EFHC2: variants seen among roughly 807,000 people sequenced by gnomAD.
The protein encoded by EFHC2 is EF-hand domain containing 2.
In EFHC2, 18 loss-of-function variants were observed where a neutral mutation model predicts 52.7. The observed-to-expected ratio is 0.34, with a 90% CI of 0.24 to 0.51. The LOEUF (loss-of-function observed/expected upper bound fraction) is 0.51. EFHC2 is among the 20% of genes least tolerant of loss of function. The pLI is 0.97. For missense variants in EFHC2, 513 were observed against 562.5 expected, an observed-to-expected ratio of 0.91 and a Z score of 0.89; for synonymous variants, 203 against 204.1, an observed-to-expected ratio of 0.99 and a Z score of 0.04.
intron 3 of EFHC2, among the ~76,000 whole-genome samples, 179 bp downstream of exon 3, chrX:44,272,507 T>C (rs1201060123): frequency 9.0e-6 from 1 of 111,393 alleles, no homozygotes; most frequent in South Asian, 3.8e-4. Context: ...ATGCAGAGGG[T>C]AGAAAGCTGG....
intron 11 of EFHC2, among the ~76,000 whole-genome samples, chrX:44,223,114 A>T (rs1464132513): frequency 1.8e-5 from 2 of 112,135 alleles, no homozygotes; most frequent in Non-Finnish European, 3.8e-5. Context: ...TCAGAGCTCA[A>T]TTTCCCAGAC....
At chrX:44,225,967 G>A (rs1284664595) in intron 11 of EFHC2, among the ~76,000 whole-genome samples, 1 of 112,149 alleles carries the variant, frequency 8.9e-6, no homozygotes, top group Non-Finnish European at 1.9e-5. Context: ...CACTTGGCAG[G>A]AGCTGATGTG....
chrX:44,314,257 A>T (rs749021691), intron 1 of EFHC2, among the ~76,000 whole-genome samples: 1 of 112,598 alleles, frequency 8.9e-6, no homozygotes, highest in East Asian at 2.8e-4. Context: ...ATCCAGAGGT[A>T]ACCATTATCC....
chrX:44,207,511 T>TAA lies in EFHC2; in HGVS notation c.1751+22136_1751+22137dup, dbSNP rs765899710. On this transcript the variant is annotated intron_variant, in intron 11 of 14. Transcript: ENST00000420999. ...GGGTGACAGAGTGAGACTCCGTCTC[T>TAA]AAAAAAAAAAAAAAGAAAGGCTTAA... is the stretch of plus-strand genomic sequence containing the variant. Among the ~76,000 whole-genome samples, 665 of 94,229 alleles carry TAA rather than the reference T, an allele frequency of 7.1e-3. 9 individuals carry two copies. Among genetic ancestry groups the TAA allele is most frequent in the African/African-American group, 0.023 (579 of 25,699 alleles). The allele number at this position is 94,229 out of a possible 115,157, so 81.8% of individuals were successfully genotyped here.
intron 11 of EFHC2, among the ~76,000 whole-genome samples, chrX:44,203,579 G>A (rs1025822537): frequency 1.2e-4 from 13 of 110,505 alleles, no homozygotes; most frequent in African/African-American, 2.6e-4. Flanking sequence ...CCCCAAACCC[G>A]CCTCTGAGAC....
At chrX:44,181,253 G>A (rs971253420) in intron 11 of EFHC2, among the ~76,000 whole-genome samples, 3 of 110,404 alleles carry the variant, frequency 2.7e-5, no homozygotes, top group African/African-American at 9.9e-5. Flanking sequence ...AACATCAATA[G>A]TATTATCCTG....
chrX:44,185,018 T>A (rs1422057753), intron 11 of EFHC2, among the ~76,000 whole-genome samples: 1 of 111,847 alleles, frequency 8.9e-6, no homozygotes, highest in Admixed American at 9.5e-5. Context: ...AAATGAGGAT[T>A]AAGTTAGCAA....
At chrX:44,200,576 T>C (rs2036999477) in intron 11 of EFHC2, among the ~76,000 whole-genome samples, 1 of 110,887 alleles carries the variant, frequency 9.0e-6, no homozygotes, top group Non-Finnish European at 1.9e-5. Context: ...TCCAGAAATG[T>C]AGCAGCACAG....
At chrX:44,264,269 G>A (rs1359156331) in intron 3 of EFHC2, among the ~76,000 whole-genome samples, 2 of 111,880 alleles carry the variant, frequency 1.8e-5, no homozygotes, top group Admixed American at 1.9e-4. Flanking sequence ...GGCATAACAG[G>A]ATGGAAATGG....
chrX:44,320,938 C>T (rs2038015085), intron 1 of EFHC2, among the ~76,000 whole-genome samples: 1 of 111,297 alleles, frequency 9.0e-6, no homozygotes, highest in Non-Finnish European at 1.9e-5. Context: ...AAACAGGGGC[C>T]AGTGCCTTAG....
intron 13 of EFHC2, among the ~76,000 whole-genome samples, chrX:44,174,810 C>T (rs993416188): frequency 1.1e-4 from 12 of 111,095 alleles, no homozygotes; most frequent in African/African-American, 2.6e-4. Context: ...AGTTCCTTCA[C>T]GGCAGGATCC....
rs747518847 is a variant in EFHC2 at position 44,304,177 on chromosome X, AG to A, written c.231+8390del. Among the ~76,000 whole-genome samples the A allele has an allele frequency of 1.1e-4, 12 of 107,419 alleles. No homozygotes were observed. The East Asian group carries it at 3.1e-3, about 28-fold the overall frequency. The allele number at this position is 107,419 out of a possible 115,157, so 93.3% of individuals were successfully genotyped here. On this transcript the variant is annotated intron_variant, in intron 2 of 14. Coordinates refer to ENST00000420999, the MANE Select transcript of EFHC2 (RefSeq NM_025184.4). ...GCCAAATTTCAATTAATAATGAAGT[AG>A]TGGGTGCCTGATGTAATTAGAGAGT...
intron 13 of EFHC2, among the ~76,000 whole-genome samples, chrX:44,168,015 A>G (rs1266870793): frequency 3.6e-5 from 4 of 111,948 alleles, no homozygotes; most frequent in African/African-American, 9.7e-5. Flanking sequence ...AGAGACGTCA[A>G]ACTCTTTTCA....
rs753247560 is a variant in EFHC2, at chrX:44,232,601, A to C, written c.1500T>G (p.Ser500=). 15 of 1,195,902 alleles carry C rather than the reference A, an allele frequency of 1.3e-5. No individual in the cohort carries two copies. Among genetic ancestry groups the C allele is most frequent in the Admixed American group, 9.1e-5 (4 of 44,028 alleles). ...ACAGCTCCTCGGCCTTGATATATTC[A>C]GATAGTTCACTTTTAAAGACTTCTT... ...PGQEVFKSEL[S]EYIKAEELYI... Residue 500 remains serine (S), a synonymous_variant, in exon 10 of 15, where the codon TCT becomes TCG. Transcript: ENST00000420999.
chrX:44,168,391 G>A (rs745767951), intron 13 of EFHC2, among the ~76,000 whole-genome samples: 7 of 111,115 alleles, frequency 6.3e-5, no homozygotes, highest in African/African-American at 2.3e-4. Flanking sequence ...AATTAGCTGG[G>A]CGTGTTGGTG....
chrX:44,154,576 G>T (rs2036593549), intron 14 of EFHC2, among the ~76,000 whole-genome samples: 1 of 108,922 alleles, frequency 9.2e-6, no homozygotes, highest in South Asian at 4.0e-4. Context: ...TGGTGGTGTG[G>T]GCCTGTAGTC....
Position 44,299,643 on chromosome X carries a change from C to T in EFHC2, c.231+12925G>A, listed in dbSNP as rs2312465. On this transcript the variant is annotated intron_variant, in intron 2 of 14. Coordinates refer to ENST00000420999, the MANE Select transcript of EFHC2 (RefSeq NM_025184.4). ...AAATGTATGAAAGCAAGCTGTACCC[C>T]GACCACCTTGGGCACATGTCGTCAG... Among the ~76,000 whole-genome samples the T allele has an allele frequency of 3.2e-3, 358 of 110,985 alleles. 4 individuals carry two copies. The highest frequency in any genetic ancestry group is 8.8e-3 in the Admixed American group (91 of 10,389).
intron 1 of EFHC2, among the ~76,000 whole-genome samples, chrX:44,340,706 C>T (rs763173772): frequency 1.8e-5 from 2 of 111,352 alleles, no homozygotes; most frequent in African/African-American, 3.3e-5. Flanking sequence ...GACCAACAAA[C>T]GTGTAAAACA....
At chrX:44,175,144 A>G (rs960041263) in intron 13 of EFHC2, among the ~76,000 whole-genome samples, 2 of 112,159 alleles carry the variant, frequency 1.8e-5, no homozygotes, top group Non-Finnish European at 3.8e-5. Flanking sequence ...AAAGTTAAAG[A>G]GCTGGTCCTT....
Sources: gnomAD v4.1 joint callset for allele counts (sites outside exome capture counted in the v4.1 genomes callset) on GRCh38, gnomAD v4.1.1 for gene constraint, MANE v1.5 for transcripts, NCBI Gene and HGNC (gene_info 2026-07-23, HGNC 2026-07-21) for gene names.